EBNA1BP2: variants seen among roughly 807,000 people sequenced by gnomAD.
The protein encoded by EBNA1BP2 is EBNA1 binding protein 2.
A neutral mutation model predicts 43.5 loss-of-function variants in EBNA1BP2; 36 were observed. The observed-to-expected ratio is 0.83, with a 90% confidence interval of 0.63 to 1.09. The LOEUF is 1.09. EBNA1BP2 is among the 50% of genes least tolerant of loss of function. The pLI is 0.00. For synonymous variants in EBNA1BP2, 127 were observed against 141.3 expected, an observed-to-expected ratio of 0.90 and a Z score of 0.72; for missense variants, 332 against 379.1, an observed-to-expected ratio of 0.88 and a Z score of 1.03.
chr1:43,164,439 C>T lies in EBNA1BP2; in HGVS notation c.*4G>A, dbSNP rs1377902758. ...TCTTGGTTCTTTGTATTCAAAGATG[C>T]TATTTAGTGTGTTCTGTTCTTCATC... is the stretch of plus-strand genomic sequence containing the variant. On this transcript the variant is annotated 3_prime_UTR_variant, in exon 9 of 9. Coordinates refer to ENST00000236051, the MANE Select transcript of EBNA1BP2 (RefSeq NM_006824.3). 3.7e-6 allele frequency: 6 copies of T among 1,614,114 alleles called. No individual in the cohort carries two copies. Among genetic ancestry groups the T allele is most frequent in the Non-Finnish European group, 5.1e-6 (6 of 1,180,006 alleles).
intron 3 of EBNA1BP2, 100 bp downstream of exon 3, chr1:43,171,379 C>CTCCT (rs1228553329): frequency 1.8e-5 from 26 of 1,447,202 alleles, no homozygotes; most frequent in Non-Finnish European, 2.3e-5. Flanking sequence ...GCTCTCTCTA[C>CTCCT]TCCTAGGCTT....
In EBNA1BP2 at chr1:43,164,667, CTT is replaced by C. The variant is rs1261414336; in HGVS notation, c.844_845del (p.Lys282GlufsTer9). On this transcript the variant is annotated frameshift_variant, in exon 8 of 9. Coordinates refer to ENST00000236051, the MANE Select transcript of EBNA1BP2 (RefSeq NM_006824.3). LOFTEE classifies it high-confidence loss of function. ...RAKTAHGRGL[K>X]RPGKKGSNKR... is the part of the protein sequence containing the mutation. ...CATTTGACCCTTTCTTGCCAGGCCT[CTT>C]GAGGCCTCTGCCATGAGCTGTCTTG... The C allele has an allele frequency of 5.6e-6, 9 of 1,614,124 alleles. No individual in the cohort carries two copies. In the African/African-American group the frequency reaches 9.3e-5, roughly 17 times the overall value.
chr1:43,169,185 G>A (rs111683760), intron 4 of EBNA1BP2, among the ~76,000 whole-genome samples, 157 bp from the exon 5 acceptor site: 2 of 152,242 alleles, frequency 1.3e-5, no homozygotes, highest in African/African-American at 4.8e-5. Flanking sequence ...CCCACAGGCT[G>A]AGCACTTTAC....
At chr1:43,170,204 A>G (rs1782382) in intron 4 of EBNA1BP2, among the ~76,000 whole-genome samples, 30,709 of 152,142 alleles carry the variant, frequency 0.2, 3,599 homozygotes, top group Middle Eastern at 0.3. Flanking sequence ...TTTTTGATCC[A>G]AGGTTGGTTG....
chr1:43,164,462 ATCTTCTCTCTTGTT>A lies in EBNA1BP2; in HGVS notation c.888_901del (p.Thr297GlufsTer29), dbSNP rs770353070. On this transcript the variant is annotated frameshift_variant, in exon 9 of 9. Transcript: ENST00000236051. LOFTEE classifies it high-confidence loss of function. ...TGCTATTTAGTGTGTTCTGTTCTTC[ATCTTCTCTCTTGTT>A]CGTTTTCCAGGTCTCTTCTACAGAA... The A allele has an allele frequency of 6.2e-7, 1 of 1,614,084 alleles. No homozygotes were observed. Among genetic ancestry groups the A allele is most frequent in the Non-Finnish European group, 8.5e-7 (1 of 1,180,028 alleles).
In EBNA1BP2 at chr1:43,168,939, C is replaced by G. The variant is rs769921976; in HGVS notation, c.537G>C (p.Lys179Asn). 2 of 1,614,136 alleles carry G rather than the reference C, an allele frequency of 1.2e-6. No homozygotes were observed. Among genetic ancestry groups the G allele is most frequent in the Non-Finnish European group, 8.5e-7 (1 of 1,180,024 alleles). Residue 179 changes from lysine to asparagine, a missense_variant and splice_region_variant, in exon 5 of 9, where the codon AAG becomes AAC. Coordinates refer to ENST00000236051, the MANE Select transcript of EBNA1BP2 (RefSeq NM_006824.3). ...GTTCCCTGCACACTTTTCTTCTCAC[C>G]TTCTTCCCGTATTTCCTAAGTGCTC... ...QLRALRKYGK[K>N]VQTEVLQKRQ...
Position 43,172,168 on chromosome 1 carries a change from G to A in EBNA1BP2, c.-50C>T. 2 of 1,612,660 alleles carry A rather than the reference G, an allele frequency of 1.2e-6. No homozygotes were observed. The highest frequency in any genetic ancestry group is 1.1e-5 in the South Asian group (1 of 90,916). On this transcript the variant is annotated 5_prime_UTR_variant, in exon 1 of 9. Coordinates refer to ENST00000236051, the MANE Select transcript of EBNA1BP2 (RefSeq NM_006824.3). ...TACAGGAAGAAACGGGGTATCCCGA[G>A]ACCCAAGCGGCTAGCAGAGGGCGGC...
At chr1:43,169,685 C>T (rs761086615) in intron 4 of EBNA1BP2, among the ~76,000 whole-genome samples, 9 of 152,152 alleles carry the variant, frequency 5.9e-5, no homozygotes, top group East Asian at 5.8e-4. Flanking sequence ...AACCTACACT[C>T]GCCTCCAGTA....
At chr1:43,172,412 C>CT (rs1020683636), upstream of EBNA1BP2, 7 of 1,551,292 alleles carry the variant, frequency 4.5e-6, no homozygotes, top group African/African-American at 9.6e-5. Context: ...GGTAGCGCCT[C>CT]TGGATACATG....
upstream of EBNA1BP2, chr1:43,172,379 C>T (rs1427283738): frequency 1.9e-6 from 3 of 1,551,538 alleles, no homozygotes; most frequent in Non-Finnish European, 8.7e-7. Context: ...TTGAAAGTGT[C>T]CGGGTTGCTT....
At chr1:43,172,388 T>TC, upstream of EBNA1BP2, 1 of 1,551,444 alleles carries the variant, frequency 6.4e-7, no homozygotes. Context: ...TCCGGGTTGC[T>TC]TAGGATCCCT....
At chr1:43,166,298 G>A (rs1324551269) in intron 7 of EBNA1BP2, among the ~76,000 whole-genome samples, 1 of 152,074 alleles carries the variant, frequency 6.6e-6, no homozygotes, top group Non-Finnish European at 1.5e-5. Flanking sequence ...TCACTTAAAG[G>A]GTGCCACATA....
chr1:43,171,662 C>G lies in EBNA1BP2; in HGVS notation c.151-11G>C. On this transcript the variant is annotated splice_polypyrimidine_tract_variant and intron_variant, in intron 2 of 8. Coordinates refer to ENST00000236051, the MANE Select transcript of EBNA1BP2 (RefSeq NM_006824.3). ...TTGCTTCAGGCCATTCTAGGAAATC[C>G]AGACACTGAGCTCACAAGAAGGGAA... 1 of 1,611,988 alleles carries G rather than the reference C, an allele frequency of 6.2e-7. No individual in the cohort carries two copies. The highest frequency in any genetic ancestry group is 8.5e-7 in the Non-Finnish European group (1 of 1,179,080).
In EBNA1BP2 at chr1:43,166,873, CAG is replaced by C. The variant is rs1276266432; in HGVS notation, c.658_659del (p.Leu220GlyfsTer20). 2.5e-6 allele frequency: 4 copies of C among 1,613,170 alleles called. No individual in the cohort carries two copies. Among genetic ancestry groups the C allele is most frequent in the Non-Finnish European group, 3.4e-6 (4 of 1,179,770 alleles). ...LDFLEGDQKP[L>X]AQRKKAGAKG... is the part of the protein sequence containing the mutation. ...TGGCTCCTGCCTTCTTGCGCTGTGC[CAG>C]AGGTTTCTGATCTCCCTCAAGGAAA... On this transcript the variant is annotated frameshift_variant, in exon 7 of 9. Coordinates refer to ENST00000236051, the MANE Select transcript of EBNA1BP2 (RefSeq NM_006824.3). LOFTEE classifies it high-confidence loss of function.
Position 43,172,182 on chromosome 1 carries a change from GC to G in EBNA1BP2, c.-65del, listed in dbSNP as rs1644988490. 6.2e-7 allele frequency: 1 copy of G among 1,608,384 alleles called. No individual in the cohort carries two copies. The highest frequency in any genetic ancestry group is 8.5e-7 in the Non-Finnish European group (1 of 1,177,278). ...GGGTATCCCGAGACCCAAGCGGCTA[GC>G]AGAGGGCGGCCCTGGCCGCTGCTGC... On this transcript the variant is annotated 5_prime_UTR_variant, in exon 1 of 9. Coordinates refer to ENST00000236051, the MANE Select transcript of EBNA1BP2 (RefSeq NM_006824.3).
chr1:43,172,049 C>T lies in EBNA1BP2; in HGVS notation c.66+4G>A, dbSNP rs1409967905. On this transcript the variant is annotated splice_donor_region_variant and intron_variant, in intron 1 of 8. Coordinates refer to ENST00000236051, the MANE Select transcript of EBNA1BP2 (RefSeq NM_006824.3). ...CCAGCCCCACGAGCTCGGCTGACACCTACCTCTCTGTCTGTGACAAGGGAT... is the reference window on the plus strand; with the variant it reads ...CCAGCCCCACGAGCTCGGCTGACACTTACCTCTCTGTCTGTGACAAGGGAT... 2 of 1,614,222 alleles carry T rather than the reference C, an allele frequency of 1.2e-6. No homozygotes were observed. Among genetic ancestry groups the T allele is most frequent in the Non-Finnish European group, 1.7e-6 (2 of 1,180,038 alleles).
chr1:43,164,712 A>G lies in EBNA1BP2; in HGVS notation c.801T>C (p.Asp267=). The G allele has an allele frequency of 6.2e-7, 1 of 1,614,186 alleles. No homozygotes were observed. Among genetic ancestry groups the G allele is most frequent in the Non-Finnish European group, 8.5e-7 (1 of 1,180,024 alleles). Residue 267 remains aspartate, a synonymous_variant, in exon 8 of 9, where the codon GAT becomes GAC. Transcript: ENST00000236051. The part of the protein sequence containing the change: ...SKWNTRESYD[D]VSSFRAKTAH... Reference sequence around the variant, plus strand: ...CTGTCTTGGCCCGGAAGCTAGATACATCATCATAGCTCTCCCGAGTGTTCC... The same window carrying G: ...CTGTCTTGGCCCGGAAGCTAGATACGTCATCATAGCTCTCCCGAGTGTTCC...
chr1:43,172,501 G>A (rs186792830), upstream of EBNA1BP2: 155 of 1,510,922 alleles, frequency 1.0e-4, no homozygotes, highest in Non-Finnish European at 1.3e-4. Context: ...GTAGCAGTGA[G>A]GGTACAAAGG....
chr1:43,172,449 G>A, upstream of EBNA1BP2: 1 of 1,547,868 alleles, frequency 6.5e-7, no homozygotes, highest in African/African-American at 1.4e-5. Context: ...AGAGAGAAAC[G>A]AAAGGTGGGA....
Sources: gnomAD v4.1 joint callset for allele counts (sites outside exome capture counted in the v4.1 genomes callset) on GRCh38, gnomAD v4.1.1 for gene constraint, MANE v1.5 for transcripts, NCBI Gene and HGNC (gene_info 2026-07-23, HGNC 2026-07-21) for gene names.